The following BANP variants were observed in gnomAD, a reference collection of about 807,000 sequenced individuals.
BANP encodes BTG3 associated nuclear protein.
BANP carries 11 observed loss-of-function variants against 68.1 expected under a neutral mutation model. That is an observed-to-expected ratio of 0.16 (90% confidence interval 0.10 to 0.27). BANP has a LOEUF of 0.27. Among genes scored for constraint, BANP ranks in the 10% least tolerant of loss-of-function variants. The pLI is 1.00. For synonymous variants in BANP, 329 were observed against 303.2 expected (o/e 1.09, Z -0.88); for missense variants, 504 against 722.7 (o/e 0.70, Z 3.47).
intron 6 of BANP, among the ~76,000 whole-genome samples, chr16:88,009,712 G>A (rs776810163): frequency 5.4e-5 from 8 of 146,938 alleles, no homozygotes; most frequent in Admixed American, 2.0e-4. Context: ...TAAGAAGGAC[G>A]GTAACGCTCA....
chr16:87,983,078 C>A (rs1211027174), intron 3 of BANP, among the ~76,000 whole-genome samples: 1 of 152,118 alleles, frequency 6.6e-6, no homozygotes, highest in Non-Finnish European at 1.5e-5. Context: ...CCTACCTCCC[C>A]CTTCCTTCTG....
At chr16:87,971,988 C>G (rs2061212960) in intron 1 of BANP, among the ~76,000 whole-genome samples, 1 of 152,030 alleles carries the variant, frequency 6.6e-6, no homozygotes, top group Non-Finnish European at 1.5e-5. Context: ...GAGTCGGGGT[C>G]TCGGTACATG....
chr16:88,041,564 C>G (rs978965371), intron 11 of BANP, among the ~76,000 whole-genome samples: 25 of 152,190 alleles, frequency 1.6e-4, no homozygotes, highest in African/African-American at 5.8e-4. Context: ...GCTTTTCTTC[C>G]TTGCTGAGAG....
chr16:88,010,269 T>C (rs8063865), intron 6 of BANP, among the ~76,000 whole-genome samples: 142,278 of 152,302 alleles, frequency 0.93, 67,250 homozygotes, highest in East Asian at 1. Context: ...AGTTTAAATT[T>C]CTGCTGTGTA....
chr16:88,031,892 AC>A (rs1340193742), intron 8 of BANP, among the ~76,000 whole-genome samples: 11 of 143,228 alleles, frequency 7.7e-5, no homozygotes, highest in Non-Finnish European at 3.0e-5. Flanking sequence ...GTAACCACCT[AC>A]TCCCAGGTTC....
At chr16:87,971,016 CAAA>C (rs10624509) in intron 1 of BANP, among the ~76,000 whole-genome samples, 2 of 135,384 alleles carry the variant, frequency 1.5e-5, no homozygotes. Flanking sequence ...GACTGCATCT[CAAA>C]AAAAAAAAAA....
chr16:87,965,944 C>G (rs2059941972), intron 1 of BANP, among the ~76,000 whole-genome samples: 1 of 152,156 alleles, frequency 6.6e-6, no homozygotes, highest in Non-Finnish European at 1.5e-5. Context: ...CGTCCCTGCT[C>G]TGGGTAGCCT....
intron 1 of BANP, among the ~76,000 whole-genome samples, chr16:87,964,587 A>AGATG (rs1162878804): frequency 2.8e-5 from 3 of 108,100 alleles, no homozygotes; most frequent in Non-Finnish European, 3.9e-5. Context: ...AGGGCCCGTG[A>AGATG]GATGGGAAGC....
At chr16:88,024,903 G>C (rs186293218) in intron 7 of BANP, among the ~76,000 whole-genome samples, 14 of 152,364 alleles carry the variant, frequency 9.2e-5, no homozygotes, top group African/African-American at 3.4e-4. Context: ...ATTTAAATGT[G>C]AATGTTTTCA....
chr16:88,014,932 CCTA>C (rs2074117452), intron 6 of BANP, among the ~76,000 whole-genome samples: 1 of 152,072 alleles, frequency 6.6e-6, no homozygotes, highest in Non-Finnish European at 1.5e-5. Flanking sequence ...CACTGTGAGC[CCTA>C]CTGACACCAG....
At position 87,988,994 on chromosome 16, in the gene BANP, C is replaced by G. The variant is rs138095036; in HGVS notation, c.362+4735C>G. ...GAGAGCTGATTATTCTTTCCTTTCA[C>G]TCTCTGGAACACAAGAAGGCAGTGG... On this transcript the variant is annotated intron_variant, in intron 4 of 13. Coordinates refer to ENST00000682872, the MANE Select transcript of BANP (RefSeq NM_001386991.1). 9.1e-3 allele frequency among the ~76,000 whole-genome samples: 1,386 copies of G among 152,328 alleles called. 21 individuals carry two copies. Among genetic ancestry groups the G allele is most frequent in the African/African-American group, 0.032 (1,333 of 41,558 alleles).
chr16:88,008,260 T>C (rs1598387381), intron 6 of BANP, among the ~76,000 whole-genome samples: 1 of 152,164 alleles, frequency 6.6e-6, no homozygotes, highest in Admixed American at 6.5e-5. Context: ...TTTTTGGCTG[T>C]TGTCAGGAAT....
chr16:88,021,946 A>G (rs2076112683), intron 7 of BANP, among the ~76,000 whole-genome samples: 2 of 152,152 alleles, frequency 1.3e-5, no homozygotes, highest in Admixed American at 6.5e-5. Context: ...ACAGTAGGTA[A>G]AGTCTCTAAG....
rs1374886387 is a variant in BANP, at chr16:88,057,113, C to G, written c.1312-8154C>G. ...GAGTTTTGGTGATTCTTTGGGTGTT[C>G]TGAGACTTTTCTGTTGCCGTTGTTG... On this transcript the variant is annotated intron_variant, in intron 11 of 13. Coordinates refer to ENST00000682872, the MANE Select transcript of BANP (RefSeq NM_001386991.1). The surrounding 1 kb of genome is among the most constrained non-coding windows in gnomAD (Gnocchi z 4.6). 6.6e-6 allele frequency among the ~76,000 whole-genome samples: 1 copy of G among 152,126 alleles called. No homozygotes were observed. Among genetic ancestry groups the G allele is most frequent in the Non-Finnish European group, 1.5e-5 (1 of 68,032 alleles).
intron 8 of BANP, among the ~76,000 whole-genome samples, chr16:88,032,301 A>G (rs1406045004): frequency 6.6e-6 from 1 of 151,580 alleles, no homozygotes; most frequent in African/African-American, 2.4e-5. Context: ...TCCCAGGTTC[A>G]AGTGATTCTC....
rs571828556 is a variant in BANP at position 88,026,508 on chromosome 16, A to G, written c.896-975A>G. 7.2e-5 allele frequency among the ~76,000 whole-genome samples: 11 copies of G among 152,346 alleles called. No homozygotes were observed. The South Asian group carries it at 2.3e-3, about 32-fold the overall frequency. ...CACAACAAAGGCCCCTGTGTTTATG[A>G]GGGGGACAGAGTAACAGTGCATACA... On this transcript the variant is annotated intron_variant, in intron 7 of 13. Coordinates refer to ENST00000682872, the MANE Select transcript of BANP (RefSeq NM_001386991.1).
At chr16:88,070,495 T>C (rs1025004868) in intron 12 of BANP, among the ~76,000 whole-genome samples, 1 of 152,232 alleles carries the variant, frequency 6.6e-6, no homozygotes, top group Non-Finnish European at 1.5e-5. Context: ...CTTAGGTTCA[T>C]TCTGATGGCT....
chr16:88,072,342 T>C, intron 13 of BANP, 130 bp downstream of exon 13: 1 of 1,105,004 alleles, frequency 9.0e-7, no homozygotes, highest in African/African-American at 1.6e-5. Flanking sequence ...TGGACACAGA[T>C]GCCCATCTGA....
chr16:88,045,378 T>G (rs534381273), intron 11 of BANP, among the ~76,000 whole-genome samples: 1 of 152,334 alleles, frequency 6.6e-6, no homozygotes, highest in South Asian at 2.1e-4. Flanking sequence ...TGCGTGCACT[T>G]GAGCGTTTCT....
Sources: allele counts gnomAD v4.1 joint callset (sites outside exome capture counted in the v4.1 genomes callset), GRCh38; gene constraint gnomAD v4.1.1; non-coding constraint Gnocchi (gnomAD v3.1); transcripts MANE v1.5; gene names NCBI Gene and HGNC (gene_info 2026-07-23, HGNC 2026-07-21).